GATA3: variants seen among roughly 807,000 people sequenced by gnomAD.
GATA3 encodes the protein GATA binding protein 3, also known as trans-acting T-cell-specific transcription factor GATA-3.
Under a neutral mutation model 36.0 loss-of-function variants are expected in GATA3, and 6 were observed. That is an observed-to-expected ratio of 0.17 (90% CI 0.09 to 0.33). The LOEUF is 0.33. Among genes scored for constraint, GATA3 ranks in the 10% least tolerant of loss-of-function variants. The pLI is 1.00. For synonymous variants in GATA3, 326 were observed against 273.0 expected (o/e 1.19, Z -1.92); for missense variants, 514 against 610.1 (o/e 0.84, Z 1.66).
At chr10:8,047,526 C>G (rs1400895692) in intron 1 of GATA3, among the ~76,000 whole-genome samples, 1 of 152,210 alleles carries the variant, frequency 6.6e-6, no homozygotes, top group African/African-American at 2.4e-5. Flanking sequence ...GTTGGAATAA[C>G]CAGAGAGAGG....
Position 8,058,769 on chromosome 10 carries a change from C to G in GATA3, c.706C>G (p.Pro236Ala), listed in dbSNP as rs148835259. 60 of 1,610,820 alleles carry G rather than the reference C, an allele frequency of 3.7e-5. No homozygotes were observed. In the East Asian group the frequency reaches 4.5e-4, roughly 12 times the overall value. Residue 236 changes from proline (P) to alanine (A), a missense_variant, in exon 3 of 6, where the codon CCC (proline) becomes GCC (alanine). Pro to Ala is a conservative substitution (Grantham distance 27). Coordinates refer to ENST00000379328, the MANE Select transcript of GATA3 (RefSeq NM_001002295.2). ...CGAGTACAGCTCCGGACTCTTCCCC[C>G]CCAGCAGCCTGCTGGGCGGCTCCCC... ...VPEYSSGLFPPSSLLGGSPTG... is the reference protein window; with the variant it reads ...VPEYSSGLFPASSLLGGSPTG...
chr10:8,064,308 C>CTTTTTTTTTTTTTTT (rs1315616378), intron 4 of GATA3, among the ~76,000 whole-genome samples, 170 bp downstream of exon 4: 1 of 114,132 alleles, frequency 8.8e-6, no homozygotes, highest in Non-Finnish European at 1.7e-5. Flanking sequence ...TTTTCTTCTT[C>CTTTTTTTTTTTTTTT]TTCTTTTTTT....
At chr10:8,048,415 C>T (rs1278226402) in intron 1 of GATA3, among the ~76,000 whole-genome samples, 1 of 152,324 alleles carries the variant, frequency 6.6e-6, no homozygotes, top group East Asian at 1.9e-4. Flanking sequence ...GGTGCAGGGG[C>T]CGGAGTCCTG....
intron 3 of GATA3, among the ~76,000 whole-genome samples, chr10:8,063,189 G>A (rs578218325): frequency 1.3e-5 from 2 of 152,076 alleles, no homozygotes; most frequent in East Asian, 1.9e-4. Flanking sequence ...TCCTCTGATC[G>A]GCTTCACTCT....
At chr10:8,058,933 C>T (rs920648768) in intron 3 of GATA3, 92 bp downstream of exon 3, 17 of 1,209,016 alleles carry the variant, frequency 1.4e-5, no homozygotes, top group Non-Finnish European at 1.8e-5. Flanking sequence ...CTCAGGGGAG[C>T]CGGGGTGTCC....
At chr10:8,071,783 A>G (rs780899278) in intron 5 of GATA3, among the ~76,000 whole-genome samples, 2 of 152,162 alleles carry the variant, frequency 1.3e-5, no homozygotes, top group African/African-American at 4.8e-5. Context: ...ACATCTCTAC[A>G]TGGATGCCAT....
chr10:8,069,704 TG>T, intron 5 of GATA3, 106 bp downstream of exon 5: 1 of 1,342,662 alleles, frequency 7.4e-7, no homozygotes, highest in Non-Finnish European at 1.0e-6. Flanking sequence ...TGGGGGCAGA[TG>T]ACAGGTTCCA....
At chr10:8,060,299 AAGT>A (rs1832726156) in intron 3 of GATA3, among the ~76,000 whole-genome samples, 1 of 152,210 alleles carries the variant, frequency 6.6e-6, no homozygotes, top group African/African-American at 2.4e-5. Flanking sequence ...CAGTACATGA[AAGT>A]AGGCAGGAGG....
At chr10:8,046,765 G>A (rs1564392226) in intron 1 of GATA3, among the ~76,000 whole-genome samples, 1 of 151,902 alleles carries the variant, frequency 6.6e-6, no homozygotes, top group Non-Finnish European at 1.5e-5. Context: ...AACCCAGTCG[G>A]GGCGTGGTGT....
intron 1 of GATA3, among the ~76,000 whole-genome samples, chr10:8,047,992 G>C (rs549115591): frequency 3.6e-4 from 55 of 152,164 alleles, no homozygotes; most frequent in Admixed American, 3.4e-3. Flanking sequence ...CGCCTCTACT[G>C]TCTCCAAGAT....
At chr10:8,062,445 A>G (rs142547843) in intron 3 of GATA3, among the ~76,000 whole-genome samples, 3 of 150,650 alleles carry the variant, frequency 2.0e-5, no homozygotes, top group African/African-American at 7.3e-5. Flanking sequence ...ACCCTCTTCC[A>G]TTTGCAAAAG....
At chr10:8,068,762 A>G (rs1832885265) in intron 4 of GATA3, among the ~76,000 whole-genome samples, 1 of 152,230 alleles carries the variant, frequency 6.6e-6, no homozygotes, top group Admixed American at 6.5e-5. Flanking sequence ...CAAAACGAGA[A>G]AAAAAGAAAG....
intron 4 of GATA3, among the ~76,000 whole-genome samples, chr10:8,067,804 C>T (rs1055003743): frequency 4.0e-5 from 6 of 151,734 alleles, no homozygotes; most frequent in South Asian, 2.1e-4. Flanking sequence ...GGCGACAGAG[C>T]GAGACTCCGT....
upstream of GATA3, among the ~76,000 whole-genome samples, chr10:8,049,018 G>A (rs1185732919): frequency 6.6e-6 from 1 of 152,056 alleles, no homozygotes; most frequent in Non-Finnish European, 1.5e-5. Context: ...CCCACGGCTC[G>A]CGGCTCTCCT....
intron 1 of GATA3, among the ~76,000 whole-genome samples, chr10:8,046,165 T>C (rs1009421215): frequency 6.6e-6 from 1 of 152,064 alleles, no homozygotes; most frequent in Non-Finnish European, 1.5e-5. Flanking sequence ...GAGGACAAGA[T>C]TTGGACTTAA....
At chr10:8,062,388 G>A (rs1165099826) in intron 3 of GATA3, among the ~76,000 whole-genome samples, 2 of 145,608 alleles carry the variant, frequency 1.4e-5, no homozygotes, top group African/African-American at 5.1e-5. Context: ...AAAAAACAAA[G>A]TAGACAAAAA....
rs1406366875 is a variant in GATA3 at position 8,065,977 on chromosome 10, AAAAAGAG to A, written c.924+1841_924+1847del. Among the ~76,000 whole-genome samples the A allele has an allele frequency of 1.2e-3, 180 of 149,484 alleles. 1 individual carries two copies. Among genetic ancestry groups the A allele is most frequent in the Non-Finnish European group, 1.6e-3 (110 of 67,388 alleles). ...CTGGCCTTAGTAAAAAAAAAAAAAA[AAAAAGAG>A]AGAGAGAGAGAGAGGAAAAAAAAAC... On this transcript the variant is annotated intron_variant, in intron 4 of 5. Coordinates refer to ENST00000379328, the MANE Select transcript of GATA3 (RefSeq NM_001002295.2).
chr10:8,067,681 G>A (rs1338932044), intron 4 of GATA3, among the ~76,000 whole-genome samples: 3 of 143,500 alleles, frequency 2.1e-5, no homozygotes, highest in Non-Finnish European at 4.5e-5. Context: ...TAGCTGGGGC[G>A]GTGGCGGGCG....
At position 8,055,627 on chromosome 10, in the gene GATA3, G is replaced by A. The variant is rs11540807; in HGVS notation, c.-29G>A. 3 of 1,543,670 alleles carry A rather than the reference G, an allele frequency of 1.9e-6. No individual in the cohort carries two copies. Among genetic ancestry groups the A allele is most frequent in the East Asian group, 2.4e-5 (1 of 40,920 alleles). On this transcript the variant is annotated 5_prime_UTR_variant, in exon 2 of 6. Transcript: ENST00000379328. This position sits in a 1 kb window ranked among gnomAD's most constrained non-coding sequence, Gnocchi z 5.4. Reference sequence around the variant, plus strand: ...CTCCCCGCGCGCGGGTTCCGGGCCCGGCGAGAGGGCGCGAGCACAGCCGAG... The same window carrying A: ...CTCCCCGCGCGCGGGTTCCGGGCCCAGCGAGAGGGCGCGAGCACAGCCGAG...
Sources: allele counts gnomAD v4.1 joint callset (sites outside exome capture counted in the v4.1 genomes callset), GRCh38; gene constraint gnomAD v4.1.1; non-coding constraint Gnocchi (gnomAD v3.1); transcripts MANE v1.5; gene names NCBI Gene and HGNC (gene_info 2026-07-23, HGNC 2026-07-21).